The following MAF variants were observed in gnomAD, a reference collection of about 807,000 sequenced individuals.
The protein encoded by MAF is MAF bZIP transcription factor.
MAF carries 10 observed loss-of-function variants against 22.0 expected under a neutral mutation model. The observed-to-expected ratio is 0.45, with a 90% CI of 0.28 to 0.77. The LOEUF is 0.77. Ranked by LOEUF, MAF falls within the 30% of genes least tolerant of loss-of-function variation. MAF has a pLI of 0.12. For missense variants in MAF, 544 were observed against 548.4 expected, an observed-to-expected ratio of 0.99 and a Z score of 0.08; for synonymous variants, 337 against 255.8, an observed-to-expected ratio of 1.32 and a Z score of -3.03.
the MAF span, among the ~76,000 whole-genome samples, chr16:79,543,592 A>G: frequency 6.6e-6 from 1 of 152,128 alleles, no homozygotes; most frequent in Admixed American, 6.5e-5. Context: ...CGTTCTGGGT[A>G]ACATAATATG....
At chr16:79,530,737 T>C in the MAF span, among the ~76,000 whole-genome samples, 14 of 152,362 alleles carry the variant, frequency 9.2e-5, no homozygotes, top group South Asian at 2.9e-3. Context: ...GTTTTTATAA[T>C]AATAAAATTA....
the MAF span, among the ~76,000 whole-genome samples, chr16:79,531,152 T>A: frequency 6.6e-6 from 1 of 152,228 alleles, no homozygotes; most frequent in Admixed American, 6.5e-5. Context: ...TTTAATTCTG[T>A]TGCTAGAGCT....
chr16:79,353,248 C>T, the MAF span, among the ~76,000 whole-genome samples: 1 of 151,984 alleles, frequency 6.6e-6, no homozygotes, highest in African/African-American at 2.4e-5. Context: ...CAGCCTCCTG[C>T]CTCCCAAGTA....
chr16:79,307,721 A>G, the MAF span, among the ~76,000 whole-genome samples: 1 of 152,194 alleles, frequency 6.6e-6, no homozygotes, highest in Non-Finnish European at 1.5e-5. Context: ...CCCTCTCCCC[A>G]TACCTGTTTT....
At chr16:79,529,971 A>G in the MAF span, among the ~76,000 whole-genome samples, 4 of 152,088 alleles carry the variant, frequency 2.6e-5, no homozygotes, top group South Asian at 4.1e-4. Flanking sequence ...CAAAAAAAAA[A>G]AAAATGTTAT....
the MAF span, among the ~76,000 whole-genome samples, chr16:79,572,503 G>C: frequency 6.6e-6 from 1 of 152,276 alleles, no homozygotes; most frequent in South Asian, 2.1e-4. Context: ...TTATCTGGTG[G>C]AGAGCTCAGA....
the MAF span, among the ~76,000 whole-genome samples, chr16:79,321,664 T>C: frequency 6.9e-6 from 1 of 145,768 alleles, no homozygotes; most frequent in South Asian, 2.2e-4. Context: ...TTTTTTTTTT[T>C]TTTTGAGACG....
At chr16:79,376,625 C>A in the MAF span, among the ~76,000 whole-genome samples, 1 of 152,042 alleles carries the variant, frequency 6.6e-6, no homozygotes, top group Non-Finnish European at 1.5e-5. Flanking sequence ...TTGCTGCACC[C>A]ATTAACTCGT....
chr16:79,560,180 G>T, the MAF span, among the ~76,000 whole-genome samples: 2 of 152,020 alleles, frequency 1.3e-5, no homozygotes, highest in Non-Finnish European at 2.9e-5. Context: ...CAAAGTACTG[G>T]GACTACAGGT....
At chr16:79,427,594 C>A in the MAF span, among the ~76,000 whole-genome samples, 10 of 152,014 alleles carry the variant, frequency 6.6e-5, no homozygotes, top group East Asian at 5.8e-4. Flanking sequence ...GGTGCACAGC[C>A]AGGAATGCTC....
the MAF span, among the ~76,000 whole-genome samples, chr16:79,565,840 T>C: frequency 6.6e-6 from 1 of 152,216 alleles, no homozygotes; most frequent in African/African-American, 2.4e-5. Context: ...AGCACTATTC[T>C]GAAATATTCC....
At chr16:79,540,579 G>A in the MAF span, among the ~76,000 whole-genome samples, 31 of 152,312 alleles carry the variant, frequency 2.0e-4, no homozygotes, top group African/African-American at 7.2e-4. Flanking sequence ...ATGCTCATTG[G>A]CATGGTCAAC....
the MAF span, among the ~76,000 whole-genome samples, chr16:79,359,172 A>G: frequency 6.6e-6 from 1 of 152,246 alleles, no homozygotes; most frequent in Non-Finnish European, 1.5e-5. Flanking sequence ...TGCATGCCCC[A>G]CAGTAGCTGG....
chr16:79,268,953 AG>A, the MAF span, among the ~76,000 whole-genome samples: 1 of 152,210 alleles, frequency 6.6e-6, no homozygotes, highest in Non-Finnish European at 1.5e-5. Context: ...AGGATCTCTT[AG>A]GAGTGTGAGA....
At chr16:79,521,074 A>G in the MAF span, among the ~76,000 whole-genome samples, 1 of 152,204 alleles carries the variant, frequency 6.6e-6, no homozygotes, top group Non-Finnish European at 1.5e-5. Context: ...ATTCCTGGAG[A>G]ATTCAATAAA....
At chr16:79,490,416 G>C in the MAF span, among the ~76,000 whole-genome samples, 1 of 152,164 alleles carries the variant, frequency 6.6e-6, no homozygotes, top group African/African-American at 2.4e-5. Context: ...CTGTAGAGGG[G>C]ATTCCTCTGC....
At chr16:79,539,060 G>C in the MAF span, among the ~76,000 whole-genome samples, 1 of 152,058 alleles carries the variant, frequency 6.6e-6, no homozygotes, top group Non-Finnish European at 1.5e-5. Flanking sequence ...TGAATACAAA[G>C]ACATTATTTT....
the MAF span, among the ~76,000 whole-genome samples, chr16:79,462,486 CCCT>C: frequency 3.9e-5 from 6 of 152,170 alleles, no homozygotes; most frequent in African/African-American, 1.4e-4. Context: ...CCTAACAATT[CCCT>C]CCTCATCTGG....
chr16:79,210,710 T>TTTAA, the MAF span, among the ~76,000 whole-genome samples: 2,920 of 152,226 alleles, frequency 0.019, 104 homozygotes, highest in African/African-American at 0.067. Flanking sequence ...GCCTATTATT[T>TTTAA]TTAATTATGG....
Sources: gnomAD v4.1 joint callset for allele counts (sites outside exome capture counted in the v4.1 genomes callset) on GRCh38, gnomAD v4.1.1 for gene constraint, MANE v1.5 for transcripts, NCBI Gene and HGNC (gene_info 2026-07-23, HGNC 2026-07-21) for gene names.